DLEC1: variants seen among roughly 807,000 people sequenced by gnomAD.
DLEC1 encodes DLEC1 cilia and flagella associated protein.
In DLEC1, 146 loss-of-function variants were observed where a neutral mutation model predicts 198.1. That is an observed-to-expected ratio of 0.74 (90% confidence interval 0.64 to 0.85). The LOEUF is 0.85. Ranked by LOEUF, DLEC1 falls within the 40% of genes least tolerant of loss-of-function variation. DLEC1 has a pLI of 0.00. For missense variants in DLEC1, 2,233 were observed against 2,220.0 expected (o/e 1.01, Z -0.12); for synonymous variants, 897 against 866.8 (o/e 1.03, Z -0.61).
intron 25 of DLEC1, among the ~76,000 whole-genome samples, chr3:38,114,110 TAAA>T (rs35524280): frequency 1.0e-4 from 9 of 87,908 alleles, no homozygotes; most frequent in African/African-American, 2.8e-4. Context: ...CTGTGTCTAC[TAAA>T]AAAAAAAAAA....
intron 7 of DLEC1, among the ~76,000 whole-genome samples, 183 bp downstream of exon 7, chr3:38,084,428 A>T (rs772172508): frequency 4.8e-4 from 29 of 60,260 alleles, no homozygotes; most frequent in Non-Finnish European, 7.8e-4. Context: ...TAGTGGTAGT[A>T]GTAGTAGTGG....
intron 19 of DLEC1, among the ~76,000 whole-genome samples, chr3:38,102,431 A>T (rs1302047269): frequency 6.6e-6 from 1 of 152,158 alleles, no homozygotes; most frequent in Non-Finnish European, 1.5e-5. Flanking sequence ...TTTCTATAGT[A>T]ATCTGTTATA....
At position 38,110,792 on chromosome 3, in the gene DLEC1, G is replaced by A. The variant is rs188006274; in HGVS notation, c.3443+511G>A. On this transcript the variant is annotated intron_variant, in intron 23 of 36. Transcript: ENST00000308059. ...CACAGACACACACACACACACACAC[G>A]TACATATACACACACATGCATACAC... 4.0e-5 allele frequency among the ~76,000 whole-genome samples: 6 copies of A among 150,242 alleles called. No individual in the cohort carries two copies. In the East Asian group the frequency reaches 7.8e-4, roughly 19 times the overall value.
Position 38,064,265 on chromosome 3 carries a change from C to T in DLEC1, c.1173+346C>T, listed in dbSNP as rs1379486336. 3.3e-5 allele frequency among the ~76,000 whole-genome samples: 5 copies of T among 152,084 alleles called. 1 individual carries two copies. In the East Asian group the frequency reaches 5.8e-4, roughly 18 times the overall value. ...CTGTTTAACAAAGCACATCTTGCACCGCCCTTAATTCATTTAACCCTGAGT... is the reference window on the plus strand; with the variant it reads ...CTGTTTAACAAAGCACATCTTGCACTGCCCTTAATTCATTTAACCCTGAGT... On this transcript the variant is annotated intron_variant, in intron 6 of 36. Transcript: ENST00000308059.
chr3:38,070,503 C>T (rs970875887), intron 6 of DLEC1, among the ~76,000 whole-genome samples: 6 of 152,176 alleles, frequency 3.9e-5, no homozygotes, highest in African/African-American at 1.2e-4. Context: ...GTTTCATGCA[C>T]GTCCGTGTGA....
intron 7 of DLEC1, 137 bp downstream of exon 7, chr3:38,084,382 T>A: frequency 1.4e-6 from 1 of 707,340 alleles, no homozygotes; most frequent in South Asian, 1.7e-5. Flanking sequence ...GTGATGGTGG[T>A]AGTAGTGGTA....
chr3:38,116,399 G>A (rs1700160264), intron 27 of DLEC1, 54 bp from the exon 28 acceptor site: 2 of 1,597,284 alleles, frequency 1.3e-6, no homozygotes, highest in Admixed American at 1.7e-5. Context: ...GGGGGCCCCG[G>A]GGGGTTGTCT....
chr3:38,116,815 C>G lies in DLEC1; in HGVS notation c.4105C>G (p.Leu1369Val). 1 of 1,613,882 alleles carries G rather than the reference C, an allele frequency of 6.2e-7. No homozygotes were observed. Among genetic ancestry groups the G allele is most frequent in the Non-Finnish European group, 8.5e-7 (1 of 1,179,910 alleles). ...TGCCAGCAATAGGGTGGCACAGAAG[C>G]TCATCTCAGTCATCCTGCAGGCACA... ...SSASNRVAQK[L>V]ISVILQAHEG... Residue 1369 changes from leucine (L) to valine (V), a missense_variant, in exon 29 of 37, where the codon CTC becomes GTC. Transcript: ENST00000308059.
At chr3:38,065,151 G>A (rs376718448) in intron 6 of DLEC1, among the ~76,000 whole-genome samples, 7 of 152,382 alleles carry the variant, frequency 4.6e-5, no homozygotes, top group East Asian at 1.9e-4. Context: ...AGCCCGGCCA[G>A]CACAGCGAAA....
chr3:38,091,158 A>G (rs1418435406), intron 10 of DLEC1, among the ~76,000 whole-genome samples: 1 of 152,194 alleles, frequency 6.6e-6, no homozygotes, highest in Non-Finnish European at 1.5e-5. Flanking sequence ...TTTTTTGCAT[A>G]TGATCTCAAA....
intron 2 of DLEC1, among the ~76,000 whole-genome samples, chr3:38,058,359 G>A (rs919138748): frequency 1.3e-5 from 2 of 152,188 alleles, no homozygotes; most frequent in East Asian, 1.9e-4. Flanking sequence ...AGGTTGCCCC[G>A]CAAAACCAGA....
chr3:38,121,557 G>A, intron 34 of DLEC1, 71 bp from the exon 35 acceptor site: 13 of 1,546,988 alleles, frequency 8.4e-6, no homozygotes, highest in Non-Finnish European at 1.0e-5. Flanking sequence ...GGGTCAGCAG[G>A]GTTCTGTGTG....
intron 33 of DLEC1, 128 bp downstream of exon 33, chr3:38,118,152 C>A: frequency 9.7e-7 from 1 of 1,033,066 alleles, no homozygotes; most frequent in Non-Finnish European, 1.4e-6. Flanking sequence ...CTGCCATACC[C>A]TGCATGAACA....
intron 9 of DLEC1, 112 bp downstream of exon 9, chr3:38,086,489 T>A: frequency 2.9e-6 from 4 of 1,387,660 alleles, no homozygotes; most frequent in Non-Finnish European, 3.9e-6. Flanking sequence ...GAACGCAGAG[T>A]GTTGTAAACT....
rs764449991 is a variant in DLEC1, at chr3:38,089,880, T to G, written c.1665+1492T>G. Among the ~76,000 whole-genome samples the G allele has an allele frequency of 4.5e-4, 69 of 152,150 alleles. 2 individuals are homozygous for G. The highest frequency in any genetic ancestry group is 1.8e-4 in the Non-Finnish European group (12 of 68,034). On this transcript the variant is annotated intron_variant, in intron 10 of 36. Transcript: ENST00000308059. The stretch of plus-strand genomic sequence containing the variant: ...CAAATAAGAAATACATTTGCATGAT[T>G]AAAAATTCAAAAGAGAGACTGGGTG...
intron 6 of DLEC1, among the ~76,000 whole-genome samples, chr3:38,064,219 G>A (rs1051709701): frequency 1.3e-5 from 2 of 151,712 alleles, no homozygotes; most frequent in East Asian, 1.9e-4. Flanking sequence ...GACTCTTAAC[G>A]AGCATGCTGC....
chr3:38,058,698 A>G (rs1696514143), intron 2 of DLEC1, among the ~76,000 whole-genome samples: 2 of 152,226 alleles, frequency 1.3e-5, no homozygotes, highest in Middle Eastern at 6.8e-3. Context: ...CACCACCAAG[A>G]GTGACCTGTA....
intron 6 of DLEC1, among the ~76,000 whole-genome samples, chr3:38,083,813 G>A (rs1391454979): frequency 7.2e-6 from 1 of 139,628 alleles, no homozygotes; most frequent in Admixed American, 7.2e-5. Context: ...TTTTTTTTTG[G>A]TAGAGAGAGT....
chr3:38,086,434 C>T, intron 9 of DLEC1, 57 bp downstream of exon 9: 1 of 1,560,128 alleles, frequency 6.4e-7, no homozygotes, highest in South Asian at 1.2e-5. Flanking sequence ...AGGAAATAAC[C>T]CCCAGAGGAA....
Sources: allele counts gnomAD v4.1 joint callset (sites outside exome capture counted in the v4.1 genomes callset), GRCh38; gene constraint gnomAD v4.1.1; transcripts MANE v1.5; gene names NCBI Gene and HGNC (gene_info 2026-07-23, HGNC 2026-07-21).